The following ZC3H3 variants were observed in gnomAD, a reference collection of about 807,000 sequenced individuals.
ZC3H3 encodes zinc finger CCCH domain-containing protein 3.
ZC3H3 carries 36 observed loss-of-function variants against 77.3 expected under a neutral mutation model. That is an observed-to-expected ratio of 0.47 (90% CI 0.36 to 0.61). The LOEUF (loss-of-function observed/expected upper bound fraction) is 0.61, where lower values mean the gene tolerates loss of function less well. Among genes scored for constraint, ZC3H3 ranks in the 20% least tolerant of loss-of-function variants. The pLI is 0.00. For synonymous variants in ZC3H3, 626 were observed against 555.2 expected (o/e 1.13, Z -1.79); for missense variants, 1,331 against 1,312.2 (o/e 1.01, Z -0.22).
At position 143,538,849 on chromosome 8, in the gene ZC3H3, G is replaced by A. The variant is rs1483489796; in HGVS notation, c.518C>T (p.Pro173Leu). Residue 173 changes from proline to leucine, a missense_variant, in exon 2 of 12, where the codon CCC (proline) becomes CTC (leucine). Around this residue, in one of 3 missense-constraint regions of ZC3H3, gnomAD observed 978 missense variants for 915.5 expected, o/e 1.07. Coordinates refer to ENST00000262577, the MANE Select transcript of ZC3H3 (RefSeq NM_015117.3). ...CCCCCTGGCTCTTGTTGGCCTCGAG[G>A]GCTGCAGCTGTCCCCGAGGGGGCTC... ...EGEPPRGQLQ[P>L]SRPTRARGTC... is the part of the protein sequence containing the mutation. 6.2e-7 allele frequency: 1 copy of A among 1,612,230 alleles called. No homozygotes were observed. Among genetic ancestry groups the A allele is most frequent in the Non-Finnish European group, 8.5e-7 (1 of 1,179,722 alleles).
At chr8:143,451,753 C>T (rs1819992253) in intron 9 of ZC3H3, among the ~76,000 whole-genome samples, 1 of 149,918 alleles carries the variant, frequency 6.7e-6, no homozygotes, top group South Asian at 2.1e-4. Flanking sequence ...CACTGCCCTC[C>T]AGCCTGGGTG....
chr8:143,480,278 C>T (rs989753089), intron 4 of ZC3H3, among the ~76,000 whole-genome samples: 4 of 152,200 alleles, frequency 2.6e-5, no homozygotes, highest in Non-Finnish European at 4.4e-5. Context: ...GGCATGCCCA[C>T]GCACAGCCTG....
chr8:143,480,050 G>C (rs926902869), intron 4 of ZC3H3, among the ~76,000 whole-genome samples: 1 of 152,168 alleles, frequency 6.6e-6, no homozygotes, highest in Non-Finnish European at 1.5e-5. Context: ...TGGGCCCCTC[G>C]GACCTGCTGA....
chr8:143,522,118 C>T (rs954323793), intron 3 of ZC3H3, among the ~76,000 whole-genome samples: 2 of 152,210 alleles, frequency 1.3e-5, no homozygotes, highest in African/African-American at 4.8e-5. Flanking sequence ...GTCGGCCTTC[C>T]CTAGGGATCC....
At position 143,538,293 on chromosome 8, in the gene ZC3H3, C is replaced by A. The variant is rs1400975040; in HGVS notation, c.1074G>T (p.Glu358Asp). ...ACGTGGCTGGCTTCCTGGGCTTGGGCTCTGGGTCAGCTATGAGCTGCGGCT... is the reference window on the plus strand; with the variant it reads ...ACGTGGCTGGCTTCCTGGGCTTGGGATCTGGGTCAGCTATGAGCTGCGGCT... Reference protein sequence around the residue: ...VEKPQLIADPEPKPRKPATSS... With the variant: ...VEKPQLIADPDPKPRKPATSS... Residue 358 changes from glutamate (E) to aspartate (D), a missense_variant, in exon 2 of 12, where the codon GAG becomes GAT. This residue lies in a region of ZC3H3 where 978 missense variants were observed against 915.5 expected (regional missense o/e 1.07). Coordinates refer to ENST00000262577, the MANE Select transcript of ZC3H3 (RefSeq NM_015117.3). 6.2e-7 allele frequency: 1 copy of A among 1,612,946 alleles called. No homozygotes were observed. Among genetic ancestry groups the A allele is most frequent in the Admixed American group, 1.7e-5 (1 of 60,026 alleles).
At chr8:143,492,330 G>A (rs1185886756) in intron 4 of ZC3H3, among the ~76,000 whole-genome samples, 10 of 151,964 alleles carry the variant, frequency 6.6e-5, no homozygotes, top group Non-Finnish European at 1.2e-4. Context: ...ATCCGGTGGC[G>A]GCCACCTCCC....
chr8:143,538,031 T>G lies in ZC3H3; in HGVS notation c.1336A>C (p.Lys446Gln). The G allele has an allele frequency of 6.2e-7, 1 of 1,610,502 alleles. No individual in the cohort carries two copies. The highest frequency in any genetic ancestry group is 8.5e-7 in the Non-Finnish European group (1 of 1,178,508). Residue 446 changes from lysine (K) to glutamine (Q), a missense_variant, in exon 2 of 12, where the codon AAG (lysine) becomes CAG (glutamine). Lys to Gln is a moderately conservative substitution (Grantham distance 53). Coordinates refer to ENST00000262577, the MANE Select transcript of ZC3H3 (RefSeq NM_015117.3). ...LSAYKVKSRT[K>Q]IIRRRSSTSL... is the part of the protein sequence containing the mutation. ...GTGCTGCTGCGTCTCCGGATGATCT[T>G]GGTGCGGCTCTTCACTTTGTAAGCC...
chr8:143,472,223 G>A (rs1449896491), intron 5 of ZC3H3, among the ~76,000 whole-genome samples: 3 of 152,250 alleles, frequency 2.0e-5, no homozygotes, highest in African/African-American at 4.8e-5. Flanking sequence ...GTGCAGGGGT[G>A]AGACATGCCC....
intron 4 of ZC3H3, among the ~76,000 whole-genome samples, chr8:143,505,887 C>A (rs76973345): frequency 6.6e-6 from 1 of 152,208 alleles, no homozygotes; most frequent in Non-Finnish European, 1.5e-5. Flanking sequence ...GCCTGTGGTG[C>A]AGCCCCTACA....
intron 3 of ZC3H3, among the ~76,000 whole-genome samples, chr8:143,528,385 G>A (rs562642627): frequency 5.9e-5 from 9 of 152,362 alleles, no homozygotes; most frequent in South Asian, 2.1e-4. Context: ...CACCCTCCAC[G>A]GTCAAGCTTC....
intron 4 of ZC3H3, among the ~76,000 whole-genome samples, chr8:143,498,398 C>T (rs1017097143): frequency 3.3e-5 from 5 of 152,204 alleles, no homozygotes; most frequent in Non-Finnish European, 7.4e-5. Context: ...CACCCAGACC[C>T]CCTGACCTGA....
intron 4 of ZC3H3, among the ~76,000 whole-genome samples, chr8:143,506,679 G>C (rs1326052291): frequency 6.6e-6 from 1 of 152,242 alleles, no homozygotes; most frequent in Non-Finnish European, 1.5e-5. Flanking sequence ...ATTGCCTCCA[G>C]AAAACTCAGC....
intron 9 of ZC3H3, among the ~76,000 whole-genome samples, chr8:143,444,014 G>T (rs1819810119): frequency 7.1e-6 from 1 of 140,986 alleles, no homozygotes; most frequent in African/African-American, 2.7e-5. Flanking sequence ...TTGCTCTGTT[G>T]CCCAGGCTGG....
intron 4 of ZC3H3, among the ~76,000 whole-genome samples, chr8:143,477,254 G>A (rs1248681135): frequency 6.6e-6 from 1 of 152,210 alleles, no homozygotes; most frequent in Non-Finnish European, 1.5e-5. Flanking sequence ...CACGGCGGCT[G>A]GAGCACTTAA....
At chr8:143,523,528 C>T (rs1822317841) in intron 3 of ZC3H3, 2 of 985,320 alleles carry the variant, frequency 2.0e-6, no homozygotes, top group Admixed American at 1.2e-4. Flanking sequence ...AGGACAACTG[C>T]CACCATCCCT....
chr8:143,534,390 G>A (rs1326931524), intron 3 of ZC3H3, among the ~76,000 whole-genome samples: 1 of 151,996 alleles, frequency 6.6e-6, no homozygotes, highest in African/African-American at 2.4e-5. Context: ...TGAAGCTGGT[G>A]GCCTCCCAAA....
chr8:143,468,411 G>A lies in ZC3H3; in HGVS notation c.2076C>T (p.His692=), dbSNP rs186117653. The change falls in exon 7 of 12, where the codon CAC becomes CAT. Residue 692 remains histidine, a synonymous_variant. Transcript: ENST00000262577. ...CNRGERCPYI[H]DPEKVAVCTR... ...TGCACACGGCCACCTTCTCGGGATC[G>A]TGGATGTAGGGGCAGCGCTCGCCAC... The A allele has an allele frequency of 1.7e-5, 27 of 1,612,504 alleles. No individual in the cohort carries two copies. In the African/African-American group the frequency reaches 2.3e-4, roughly 14 times the overall value.
chr8:143,526,582 G>A (rs1037758015), intron 3 of ZC3H3, among the ~76,000 whole-genome samples: 4 of 152,174 alleles, frequency 2.6e-5, no homozygotes, highest in African/African-American at 7.2e-5. Flanking sequence ...GCTTTGCCAC[G>A]ACCCACCTGT....
chr8:143,494,006 C>T lies in ZC3H3; in HGVS notation c.1715+13740G>A, dbSNP rs1432540487. Among the ~76,000 whole-genome samples, 1 of 152,178 alleles carries T rather than the reference C, an allele frequency of 6.6e-6. No individual in the cohort carries two copies. The highest frequency in any genetic ancestry group is 2.4e-5 in the African/African-American group (1 of 41,434). ...TTAACTTTTACAGCACTTGGGGAGC[C>T]GTAACCGCCTGTTCCCATAAAATAA... On this transcript the variant is annotated intron_variant, in intron 4 of 11. Coordinates refer to ENST00000262577, the MANE Select transcript of ZC3H3 (RefSeq NM_015117.3). The surrounding 1 kb of genome is among the most constrained non-coding windows in gnomAD (Gnocchi z 5.3).
Sources: gnomAD v4.1 joint callset for allele counts (sites outside exome capture counted in the v4.1 genomes callset) on GRCh38, gnomAD v4.1.1 for gene constraint, gnomAD v4.1.1 regional missense constraint, Gnocchi (gnomAD v3.1) non-coding constraint, MANE v1.5 for transcripts, NCBI Gene and HGNC (gene_info 2026-07-23, HGNC 2026-07-21) for gene names.